The following NXPE2 variants were observed in gnomAD, a reference collection of about 807,000 sequenced individuals.
The protein encoded by NXPE2 is neurexophilin and PC-esterase domain family member 2.
In NXPE2, 34 loss-of-function variants were observed where a neutral mutation model predicts 34.4. The ratio of observed to expected loss-of-function variants is 0.99; its 90% CI spans 0.75 to 1.31. The LOEUF is 1.31. Among genes scored for constraint, NXPE2 ranks in the 40% most tolerant of loss-of-function variants. The probability of loss-of-function intolerance (pLI) is 0.00; values close to 1 mark genes in which losing one functional copy is unlikely to be tolerated. For synonymous variants in NXPE2, 235 were observed against 231.3 expected (o/e 1.02, Z -0.15); for missense variants, 649 against 672.5 (o/e 0.97, Z 0.39).
the NXPE2 span, among the ~76,000 whole-genome samples, chr11:114,531,324 A>G: frequency 6.6e-5 from 10 of 152,262 alleles, no homozygotes; most frequent in East Asian, 1.9e-3. Flanking sequence ...ATCCAGTAAC[A>G]TCTGTACCTT....
the NXPE2 span, among the ~76,000 whole-genome samples, chr11:114,672,177 T>A: frequency 6.6e-6 from 1 of 151,922 alleles, no homozygotes; most frequent in African/African-American, 2.4e-5. Flanking sequence ...AGATCCCTCC[T>A]CTAACACTGG....
the NXPE2 span, among the ~76,000 whole-genome samples, chr11:114,631,924 G>A: frequency 2.1e-4 from 32 of 150,888 alleles, 1 homozygote; most frequent in African/African-American, 6.1e-4. Context: ...ACTGTTACCC[G>A]GTGGATAATA....
chr11:114,695,313 A>T (rs1043646499), intron 2 of NXPE2, among the ~76,000 whole-genome samples: 2 of 152,186 alleles, frequency 1.3e-5, no homozygotes, highest in Non-Finnish European at 2.9e-5. Flanking sequence ...AGCATTCTGT[A>T]GTACTGTGAT....
chr11:114,659,573 A>G, the NXPE2 span, among the ~76,000 whole-genome samples: 1 of 152,162 alleles, frequency 6.6e-6, no homozygotes, highest in African/African-American at 2.4e-5. Context: ...ACTTCTACAT[A>G]ATTCAAGGGA....
chr11:114,722,928 CAAAAG>C, the NXPE2 span, among the ~76,000 whole-genome samples: 2 of 151,916 alleles, frequency 1.3e-5, no homozygotes, highest in African/African-American at 4.8e-5. Context: ...ATTTAGCAAA[CAAAAG>C]AAAATGAAAG....
chr11:114,559,149 C>T, the NXPE2 span, among the ~76,000 whole-genome samples: 1 of 152,136 alleles, frequency 6.6e-6, no homozygotes, highest in African/African-American at 2.4e-5. Flanking sequence ...TACACACATA[C>T]TCAAAGACAA....
At chr11:114,597,970 A>T in the NXPE2 span, among the ~76,000 whole-genome samples, 1 of 152,290 alleles carries the variant, frequency 6.6e-6, no homozygotes, top group Admixed American at 6.5e-5. Flanking sequence ...CAAAAGTCTG[A>T]AGTCCAAAGT....
the NXPE2 span, among the ~76,000 whole-genome samples, chr11:114,775,879 CG>C: frequency 2.2e-5 from 2 of 90,626 alleles, no homozygotes; most frequent in Non-Finnish European, 2.7e-5. Flanking sequence ...AACAAAAAAA[CG>C]AAAAAAAAAA....
the NXPE2 span, among the ~76,000 whole-genome samples, chr11:114,663,029 C>T: frequency 9.2e-5 from 14 of 152,248 alleles, no homozygotes; most frequent in South Asian, 6.2e-4. Context: ...GTCTCTTATA[C>T]GGCATTTCTG....
the NXPE2 span, among the ~76,000 whole-genome samples, chr11:114,772,172 C>T: frequency 1.3e-5 from 2 of 151,900 alleles, no homozygotes; most frequent in African/African-American, 2.4e-5. Flanking sequence ...CCAAAGATAG[C>T]GTGAACAGCT....
chr11:114,759,928 C>T, the NXPE2 span, among the ~76,000 whole-genome samples: 2 of 152,166 alleles, frequency 1.3e-5, no homozygotes, highest in Non-Finnish European at 2.9e-5. Context: ...CTAAGGGTCA[C>T]TGCTTCAACA....
the NXPE2 span, among the ~76,000 whole-genome samples, chr11:114,632,182 A>G: frequency 4.6e-5 from 6 of 131,582 alleles, 1 homozygote; most frequent in Non-Finnish European, 1.0e-4. Flanking sequence ...AATATATAAT[A>G]AATAAATGAT....
the NXPE2 span, among the ~76,000 whole-genome samples, chr11:114,558,075 A>C: frequency 2.0e-5 from 3 of 152,042 alleles, no homozygotes; most frequent in African/African-American, 7.2e-5. Context: ...AACAGATCAA[A>C]TATAACATCC....
chr11:114,690,437 G>A (rs141551871), intron 2 of NXPE2, among the ~76,000 whole-genome samples: 4,632 of 152,156 alleles, frequency 0.03, 207 homozygotes, highest in South Asian at 0.046. Flanking sequence ...GTCTCTTCTG[G>A]CTTGTAAGGT....
chr11:114,636,749 C>T, the NXPE2 span, among the ~76,000 whole-genome samples: 1 of 152,068 alleles, frequency 6.6e-6, no homozygotes, highest in African/African-American at 2.4e-5. Context: ...GCAGGTTGTT[C>T]AGTTTCCATG....
At chr11:114,481,122 AG>A in the NXPE2 span, among the ~76,000 whole-genome samples, 1 of 152,192 alleles carries the variant, frequency 6.6e-6, no homozygotes, top group Non-Finnish European at 1.5e-5. Flanking sequence ...CCTCAGGACC[AG>A]GTCAGTTCCT....
the NXPE2 span, among the ~76,000 whole-genome samples, chr11:114,534,656 G>A: frequency 2.6e-5 from 4 of 152,300 alleles, no homozygotes; most frequent in African/African-American, 9.6e-5. Context: ...TTCAGTAACC[G>A]ATGTGATCAA....
At chr11:114,650,700 T>C in the NXPE2 span, among the ~76,000 whole-genome samples, 4 of 151,916 alleles carry the variant, frequency 2.6e-5, no homozygotes, top group Non-Finnish European at 4.4e-5. Context: ...CCATCATAAG[T>C]AGGGCAGGCA....
chr11:114,582,239 C>G, the NXPE2 span: 2 of 1,521,486 alleles, frequency 1.3e-6, no homozygotes, highest in Non-Finnish European at 1.8e-6. Flanking sequence ...AGTATATAGG[C>G]CAAATCACAA....
Sources: gnomAD v4.1 joint callset for allele counts (sites outside exome capture counted in the v4.1 genomes callset) on GRCh38, gnomAD v4.1.1 for gene constraint, MANE v1.5 for transcripts, NCBI Gene and HGNC (gene_info 2026-07-23, HGNC 2026-07-21) for gene names.